The following CEP85L variants were observed in gnomAD, a reference collection of about 807,000 sequenced individuals.
CEP85L encodes centrosomal protein of 85 kDa-like.
CEP85L carries 60 observed loss-of-function variants against 100.3 expected under a neutral mutation model. The ratio of observed to expected loss-of-function variants is 0.60; its 90% CI spans 0.49 to 0.74. The LOEUF is 0.74. Among genes scored for constraint, CEP85L ranks in the 30% least tolerant of loss-of-function variants. The probability of loss-of-function intolerance (pLI) is 0.00; values close to 1 mark genes in which losing one functional copy is unlikely to be tolerated. For missense variants in CEP85L, 973 were observed against 936.2 expected, an observed-to-expected ratio of 1.04 and a Z score of -0.51; for synonymous variants, 319 against 322.7, an observed-to-expected ratio of 0.99 and a Z score of 0.12.
intron 1 of CEP85L, among the ~76,000 whole-genome samples, chr6:118,689,166 G>A (rs1024521407): frequency 6.6e-6 from 1 of 152,098 alleles, no homozygotes; most frequent in African/African-American, 2.4e-5. Context: ...CCAAGTCTTT[G>A]TCTCAACCTC....
chr6:118,528,622 CA>C (rs1273090685), intron 3 of CEP85L, among the ~76,000 whole-genome samples: 1 of 152,124 alleles, frequency 6.6e-6, no homozygotes, highest in African/African-American at 2.4e-5. Flanking sequence ...ATAGAGAGAA[CA>C]AAACCTGACA....
chr6:118,577,683 T>C (rs552461930), intron 2 of CEP85L, among the ~76,000 whole-genome samples: 62 of 152,290 alleles, frequency 4.1e-4, no homozygotes, highest in African/African-American at 1.4e-3. Flanking sequence ...GAACAAAATA[T>C]TAGCTGAAAA....
chr6:118,540,731 T>C (rs1041471845), intron 3 of CEP85L, among the ~76,000 whole-genome samples: 1 of 151,506 alleles, frequency 6.6e-6, no homozygotes, highest in East Asian at 1.9e-4. Flanking sequence ...CACTCCAGCC[T>C]GGCAACAGAG....
intron 1 of CEP85L, among the ~76,000 whole-genome samples, chr6:118,684,536 G>A (rs1250869905): frequency 6.6e-6 from 1 of 152,280 alleles, no homozygotes; most frequent in East Asian, 1.9e-4. Flanking sequence ...AAGAAAAAAA[G>A]GTTTACAGAT....
At chr6:118,518,960 C>T (rs1776448888) in intron 4 of CEP85L, among the ~76,000 whole-genome samples, 1 of 152,178 alleles carries the variant, frequency 6.6e-6, no homozygotes, top group South Asian at 2.1e-4. Flanking sequence ...CAAAGAACAT[C>T]TTTATTTCTG....
intron 2 of CEP85L, among the ~76,000 whole-genome samples, chr6:118,596,361 G>A (rs1359138256): frequency 6.6e-6 from 1 of 152,064 alleles, no homozygotes; most frequent in African/African-American, 2.4e-5. Flanking sequence ...TTTCCTGAGT[G>A]CTTTACAATA....
chr6:118,497,119 G>C (rs1774976569), intron 5 of CEP85L, among the ~76,000 whole-genome samples: 2 of 152,186 alleles, frequency 1.3e-5, no homozygotes, highest in African/African-American at 2.4e-5. Flanking sequence ...ATTGCCAGGT[G>C]AATCAACTTT....
At chr6:118,487,974 A>C (rs1362052567) in intron 6 of CEP85L, among the ~76,000 whole-genome samples, 1 of 152,134 alleles carries the variant, frequency 6.6e-6, no homozygotes, top group African/African-American at 2.4e-5. Flanking sequence ...TAGGACCTAG[A>C]ATACTCCTGA....
intron 1 of CEP85L, among the ~76,000 whole-genome samples, chr6:118,650,051 T>C (rs1212431516): frequency 1.3e-5 from 2 of 152,206 alleles, no homozygotes; most frequent in Non-Finnish European, 2.9e-5. Context: ...AAAAGACCCC[T>C]TTCCAAATGC....
intron 7 of CEP85L, 135 bp downstream of exon 7, chr6:118,483,567 TAAAC>T (rs1773952415): frequency 1.1e-5 from 8 of 697,360 alleles, no homozygotes; most frequent in South Asian, 1.9e-5. Flanking sequence ...CATGCTTAGA[TAAAC>T]AAAGTTTCTT....
At chr6:118,501,542 A>C in intron 5 of CEP85L, 1 of 505,984 alleles carries the variant, frequency 2.0e-6, no homozygotes, top group Non-Finnish European at 3.8e-6. Flanking sequence ...AATGGATCTC[A>C]GCAACATGAA....
chr6:118,617,877 T>G (rs1156882285), intron 2 of CEP85L, among the ~76,000 whole-genome samples: 1 of 152,124 alleles, frequency 6.6e-6, no homozygotes, highest in Non-Finnish European at 1.5e-5. Context: ...CTCTTTTGCT[T>G]GCTATTCTGT....
chr6:118,512,042 C>T (rs1168285441), intron 4 of CEP85L, among the ~76,000 whole-genome samples: 1 of 151,392 alleles, frequency 6.6e-6, no homozygotes, highest in Non-Finnish European at 1.5e-5. Flanking sequence ...ATGCCTGAAA[C>T]AATTTTTTAA....
In CEP85L at chr6:118,484,664, T is replaced by C. The variant is rs548189414; in HGVS notation, c.1438-806A>G. On this transcript the variant is annotated intron_variant, in intron 6 of 12. Coordinates refer to ENST00000368491, the MANE Select transcript of CEP85L (RefSeq NM_001042475.3). ...GCCTTTGAAATCAGTGAAGTATTCA[T>C]CTCTGAAGGAATGACTCCGATTTCT... is the stretch of plus-strand genomic sequence containing the variant. 5.1e-4 allele frequency among the ~76,000 whole-genome samples: 78 copies of C among 152,336 alleles called. 3 individuals are homozygous for C. The South Asian group carries it at 0.015, about 30-fold the overall frequency.
At chr6:118,559,198 T>C in intron 3 of CEP85L, 1 of 819,174 alleles carries the variant, frequency 1.2e-6, no homozygotes, top group South Asian at 1.4e-5. Context: ...AGAGTTTCTT[T>C]GTGAAAAGGT....
intron 3 of CEP85L, among the ~76,000 whole-genome samples, chr6:118,543,692 A>G (rs1475588342): frequency 6.6e-6 from 1 of 152,232 alleles, no homozygotes; most frequent in African/African-American, 2.4e-5. Flanking sequence ...GAAATAACAT[A>G]TAATGGCAGA....
chr6:118,640,722 G>T (rs1020046445), intron 1 of CEP85L, among the ~76,000 whole-genome samples: 2 of 151,970 alleles, frequency 1.3e-5, no homozygotes, highest in African/African-American at 4.8e-5. Flanking sequence ...TAGAGATGGG[G>T]TTTCGCCATG....
intron 3 of CEP85L, among the ~76,000 whole-genome samples, chr6:118,547,242 T>G (rs1423679202): frequency 6.6e-6 from 1 of 152,092 alleles, no homozygotes; most frequent in African/African-American, 2.4e-5. Flanking sequence ...AAGAGGAGAA[T>G]GATGCCCGGC....
chr6:118,653,466 C>T (rs1336400622), upstream of CEP85L, among the ~76,000 whole-genome samples: 1 of 151,990 alleles, frequency 6.6e-6, no homozygotes, highest in Non-Finnish European at 1.5e-5. Flanking sequence ...CTAATGCTTC[C>T]CCCCAAATCC....
Sources: gnomAD v4.1 joint callset for allele counts (sites outside exome capture counted in the v4.1 genomes callset) on GRCh38, gnomAD v4.1.1 for gene constraint, MANE v1.5 for transcripts, NCBI Gene and HGNC (gene_info 2026-07-23, HGNC 2026-07-21) for gene names.